SYN3: variants seen among roughly 807,000 people sequenced by gnomAD.
The protein encoded by SYN3 is synapsin III, also known as synapsin-3.
A neutral mutation model predicts 65.8 loss-of-function variants in SYN3; 35 were observed. That is an observed-to-expected ratio of 0.53 (90% CI 0.41 to 0.70). SYN3 has a LOEUF of 0.70. SYN3 is among the 30% of genes least tolerant of loss of function. SYN3 has a pLI of 0.00. For synonymous variants in SYN3, 270 were observed against 292.9 expected, an observed-to-expected ratio of 0.92 and a Z score of 0.80; for missense variants, 680 against 749.0, an observed-to-expected ratio of 0.91 and a Z score of 1.08.
intron 3 of SYN3, among the ~76,000 whole-genome samples, chr22:32,959,888 C>T (rs2051594364): frequency 6.6e-6 from 1 of 152,224 alleles, no homozygotes; most frequent in African/African-American, 2.4e-5. Flanking sequence ...AGCCACCATG[C>T]CCAACTTCAG....
chr22:32,745,537 C>T (rs912881018), intron 6 of SYN3, among the ~76,000 whole-genome samples: 8 of 152,212 alleles, frequency 5.3e-5, no homozygotes, highest in African/African-American at 1.9e-4. Context: ...TAGCTTCCCC[C>T]TCCCACTGCT....
At chr22:32,780,372 G>C (rs1182495961) in intron 6 of SYN3, among the ~76,000 whole-genome samples, 2 of 152,168 alleles carry the variant, frequency 1.3e-5, no homozygotes, top group African/African-American at 4.8e-5. Flanking sequence ...AGGAGATGGA[G>C]ACAGAGCAGC....
intron 4 of SYN3, among the ~76,000 whole-genome samples, chr22:32,916,318 G>C (rs1177450897): frequency 6.6e-6 from 1 of 152,220 alleles, no homozygotes; most frequent in Non-Finnish European, 1.5e-5. Context: ...TAAAATGGTT[G>C]TGGGTTTACA....
chr22:32,696,698 T>G (rs985240888), intron 6 of SYN3, among the ~76,000 whole-genome samples: 2 of 152,194 alleles, frequency 1.3e-5, no homozygotes, highest in Non-Finnish European at 2.9e-5. Flanking sequence ...TGCATTCCTG[T>G]CCTGAGTGGG....
intron 6 of SYN3, among the ~76,000 whole-genome samples, chr22:32,845,667 GC>G (rs1281372724): frequency 6.6e-6 from 1 of 152,124 alleles, no homozygotes; most frequent in East Asian, 1.9e-4. Flanking sequence ...CAGTGTAGGG[GC>G]CATACTCCAG....
At chr22:32,652,105 G>C (rs925422056) in intron 6 of SYN3, among the ~76,000 whole-genome samples, 1 of 152,192 alleles carries the variant, frequency 6.6e-6, no homozygotes, top group Non-Finnish European at 1.5e-5. Context: ...CTGCCACTTA[G>C]GTTGAGACAG....
intron 6 of SYN3, among the ~76,000 whole-genome samples, chr22:32,778,668 G>A (rs1269373812): frequency 1.3e-5 from 2 of 152,044 alleles, no homozygotes; most frequent in Non-Finnish European, 2.9e-5. Context: ...CCAGTATCAG[G>A]GTTTACGCTG....
chr22:32,734,544 G>C (rs1465977247), intron 6 of SYN3, among the ~76,000 whole-genome samples: 1 of 151,888 alleles, frequency 6.6e-6, no homozygotes, highest in Non-Finnish European at 1.5e-5. Context: ...CATCGCCCTG[G>C]GAGGATGGCC....
At chr22:32,934,386 T>C (rs1489881185) in intron 3 of SYN3, among the ~76,000 whole-genome samples, 2 of 152,200 alleles carry the variant, frequency 1.3e-5, no homozygotes, top group Non-Finnish European at 2.9e-5. Flanking sequence ...AGTTAGAGGT[T>C]CATCTTGTTC....
At chr22:32,819,261 G>A (rs541816147) in intron 6 of SYN3, among the ~76,000 whole-genome samples, 2 of 152,372 alleles carry the variant, frequency 1.3e-5, no homozygotes, top group African/African-American at 4.8e-5. Flanking sequence ...GCTCACTGCA[G>A]ATCCCCAGGA....
At chr22:32,979,532 C>T (rs2052310128) in intron 3 of SYN3, among the ~76,000 whole-genome samples, 1 of 152,156 alleles carries the variant, frequency 6.6e-6, no homozygotes, top group African/African-American at 2.4e-5. Flanking sequence ...GGGAGAAGAA[C>T]AGTCATGCCC....
intron 3 of SYN3, among the ~76,000 whole-genome samples, chr22:32,957,965 G>A (rs1419927489): frequency 2.0e-5 from 3 of 152,156 alleles, no homozygotes; most frequent in African/African-American, 7.2e-5. Flanking sequence ...GACTGCAAGG[G>A]ACAGTGTCAG....
intron 3 of SYN3, among the ~76,000 whole-genome samples, chr22:32,966,034 G>A (rs2051832771): frequency 1.3e-5 from 2 of 152,138 alleles, no homozygotes; most frequent in Non-Finnish European, 2.9e-5. Flanking sequence ...ACCTGAGCAC[G>A]CAGCACATAG....
At chr22:32,788,405 G>C (rs975228811) in intron 6 of SYN3, among the ~76,000 whole-genome samples, 7 of 152,090 alleles carry the variant, frequency 4.6e-5, no homozygotes, top group African/African-American at 1.4e-4. Context: ...GCTGGGCATG[G>C]TGGTGTACCC....
At chr22:32,528,789 C>A in intron 11 of SYN3, 85 bp downstream of exon 11, 1 of 1,570,340 alleles carries the variant, frequency 6.4e-7, no homozygotes, top group South Asian at 1.2e-5. Context: ...TGGGGGTATC[C>A]CCTTTGGATC....
intron 6 of SYN3, among the ~76,000 whole-genome samples, chr22:32,740,275 C>T (rs994777591): frequency 2.0e-5 from 3 of 152,072 alleles, no homozygotes; most frequent in East Asian, 3.9e-4. Flanking sequence ...TAAACTGGGC[C>T]CGAGAGGTGC....
chr22:32,996,729 G>T (rs1430461592), intron 2 of SYN3, among the ~76,000 whole-genome samples: 3 of 152,196 alleles, frequency 2.0e-5, no homozygotes, highest in Non-Finnish European at 4.4e-5. Context: ...GCACATCCAA[G>T]GACAATTTCT....
At chr22:32,859,454 G>A (rs1042411238) in intron 6 of SYN3, 107 of 1,516,180 alleles carry the variant, frequency 7.1e-5, no homozygotes, top group Non-Finnish European at 8.7e-5. Context: ...CCCAGATGAT[G>A]ACAATGAAAT....
Position 32,511,251 on chromosome 22 carries a change from C to T in SYN3, c.*2441G>A, listed in dbSNP as rs16990599. Among the ~76,000 whole-genome samples the T allele has an allele frequency of 0.018, 2,702 of 152,184 alleles. 80 individuals carry two copies. Among genetic ancestry groups the T allele is most frequent in the African/African-American group, 0.061 (2,531 of 41,506 alleles). ...GCAGGAGGATGAAGCAAAGTTCTAC[C>T]GGATTATAAATGGTCTGATCTATTC... On this transcript the variant is annotated 3_prime_UTR_variant, in exon 14 of 14. Coordinates refer to ENST00000358763, the MANE Select transcript of SYN3 (RefSeq NM_003490.4).
Sources: allele counts gnomAD v4.1 joint callset (sites outside exome capture counted in the v4.1 genomes callset), GRCh38; gene constraint gnomAD v4.1.1; transcripts MANE v1.5; gene names NCBI Gene and HGNC (gene_info 2026-07-23, HGNC 2026-07-21).